The following RAP1GAP2 variants were observed in gnomAD, a reference collection of about 807,000 sequenced individuals.
The protein encoded by RAP1GAP2 is RAP1 GTPase activating protein 2.
In RAP1GAP2, 27 loss-of-function variants were observed where a neutral mutation model predicts 95.0. The ratio of observed to expected loss-of-function variants is 0.28; its 90% confidence interval spans 0.21 to 0.39. The LOEUF is 0.39. Among genes scored for constraint, RAP1GAP2 ranks in the 10% least tolerant of loss-of-function variants. RAP1GAP2 has a pLI of 1.00. For synonymous variants in RAP1GAP2, 373 were observed against 380.9 expected, an observed-to-expected ratio of 0.98 and a Z score of 0.24; for missense variants, 771 against 970.0, an observed-to-expected ratio of 0.79 and a Z score of 2.72.
In RAP1GAP2 at chr17:3,005,851, G is replaced by T; in HGVS notation, c.1273-104G>T. 2 of 1,093,380 alleles carry T rather than the reference G, an allele frequency of 1.8e-6. No homozygotes were observed. The highest frequency in any genetic ancestry group is 2.8e-6 in the Non-Finnish European group (2 of 708,830). 67.7% of individuals were successfully genotyped at this position (1,093,380 alleles called of 1,614,324 possible). On this transcript the variant is annotated intron_variant, in intron 15 of 24. Coordinates refer to ENST00000254695, the MANE Select transcript of RAP1GAP2 (RefSeq NM_015085.5). This position sits in a 1 kb window ranked among gnomAD's most constrained non-coding sequence, Gnocchi z 5.2. ...TCCGCTGTCGGAAGGGACTTTTCAG[G>T]GGTTCTCCCCATGGCCCCGGCTCTG...
Position 2,849,035 on chromosome 17 carries a change from A to G in RAP1GAP2, c.80+48485A>G, listed in dbSNP as rs181009177. ...AGGTGTGAGCGTTCAGCTGTGTGCG[A>G]GCGGGCTTCAGAGTGATATCCCAGA... On this transcript the variant is annotated intron_variant, in intron 2 of 24. Coordinates refer to ENST00000254695, the MANE Select transcript of RAP1GAP2 (RefSeq NM_015085.5). Among the ~76,000 whole-genome samples the G allele has an allele frequency of 2.6e-5, 4 of 152,174 alleles. No individual in the cohort carries two copies. In the East Asian group the frequency reaches 7.7e-4, roughly 29 times the overall value.
intron 2 of RAP1GAP2, among the ~76,000 whole-genome samples, chr17:2,859,364 G>A (rs1201117862): frequency 6.6e-6 from 1 of 151,890 alleles, no homozygotes; most frequent in African/African-American, 2.4e-5. Flanking sequence ...ACCTACCTTG[G>A]CCTCCCAAAG....
At chr17:2,771,433 C>T (rs914716983) in intron 2 of RAP1GAP2, among the ~76,000 whole-genome samples, 7 of 151,888 alleles carry the variant, frequency 4.6e-5, no homozygotes, top group African/African-American at 1.7e-4. Flanking sequence ...AGGCCTCTGC[C>T]ACACCCGACC....
chr17:2,995,506 C>G, intron 13 of RAP1GAP2, 40 bp downstream of exon 13: 2 of 1,610,066 alleles, frequency 1.2e-6, no homozygotes, highest in Non-Finnish European at 1.7e-6. Flanking sequence ...CCAGGGCGGG[C>G]GAGGTGAGGG....
At position 2,985,083 on chromosome 17, in the gene RAP1GAP2, A is replaced by G. The variant is rs774621003; in HGVS notation, c.813+17A>G. The G allele has an allele frequency of 3.7e-6, 6 of 1,613,642 alleles. No homozygotes were observed. Among genetic ancestry groups the G allele is most frequent in the South Asian group, 2.2e-5 (2 of 91,008 alleles). On this transcript the variant is annotated intron_variant, in intron 11 of 24. Coordinates refer to ENST00000254695, the MANE Select transcript of RAP1GAP2 (RefSeq NM_015085.5). The stretch of plus-strand genomic sequence containing the variant: ...GCCAGGCAGGTAAGCAGCACCATCC[A>G]TACCGGTGACTGTATCCCGTGGTTT...
At chr17:3,010,301 C>G (rs2151619360) in intron 17 of RAP1GAP2, among the ~76,000 whole-genome samples, 1 of 133,248 alleles carries the variant, frequency 7.5e-6, no homozygotes, top group African/African-American at 2.9e-5. Flanking sequence ...GATCACGCCA[C>G]TGCACTCCAG....
At chr17:2,997,131 G>T (rs931410167) in intron 13 of RAP1GAP2, among the ~76,000 whole-genome samples, 3 of 151,622 alleles carry the variant, frequency 2.0e-5, no homozygotes, top group Admixed American at 6.6e-5. Flanking sequence ...GACACACCAG[G>T]TGCTTGGTGG....
In RAP1GAP2 at chr17:2,965,596, C is replaced by G. The variant is rs1301368524; in HGVS notation, c.549C>G (p.Val183=). 1.2e-6 allele frequency: 2 copies of G among 1,612,620 alleles called. No individual in the cohort carries two copies. Among genetic ancestry groups the G allele is most frequent in the East Asian group, 2.2e-5 (1 of 44,878 alleles). Residue 183 remains valine (V), a synonymous_variant, in exon 8 of 25, where the codon GTC becomes GTG. Coordinates refer to ENST00000254695, the MANE Select transcript of RAP1GAP2 (RefSeq NM_015085.5). The surrounding 1 kb of genome is among the most constrained non-coding windows in gnomAD (Gnocchi z 4.7). ...GCCTGGGGAACTTGATCCTGTCCGT[C>G]AAGTGCGAGGAAGCAGAGGGGATCG... The part of the protein sequence containing the change: ...GSSLGNLILS[V]KCEEAEGIEY...
At chr17:2,875,306 G>A (rs536668526) in intron 2 of RAP1GAP2, among the ~76,000 whole-genome samples, 5 of 152,174 alleles carry the variant, frequency 3.3e-5, no homozygotes, top group East Asian at 3.9e-4. Context: ...ACCTCAGGTG[G>A]TCTGCCTGCC....
chr17:2,951,020 C>T (rs551887462), intron 3 of RAP1GAP2, among the ~76,000 whole-genome samples: 5 of 152,350 alleles, frequency 3.3e-5, no homozygotes, highest in Non-Finnish European at 4.4e-5. Context: ...ACCTGGGCTT[C>T]GACCACCGGG....
Position 2,800,122 on chromosome 17 carries a change from C to T in RAP1GAP2, c.45-393C>T, listed in dbSNP as rs74568514. The stretch of plus-strand genomic sequence containing the variant: ...CCTGGCATTCAGATTGACATCCGTG[C>T]TGACCCCTGAAGCCGGGTTGCTGGG... On this transcript the variant is annotated intron_variant, in intron 1 of 24. Transcript: ENST00000254695. The T allele has an allele frequency of 1.1e-3, 1,014 of 897,944 alleles. 24 individuals are homozygous for T. In the Admixed American group the frequency reaches 0.046, roughly 41 times the overall value. 55.6% of individuals were successfully genotyped at this position (897,944 alleles called of 1,614,324 possible).
rs1450215987 is a variant in RAP1GAP2 at position 2,871,448 on chromosome 17, CA to C, written c.81-33835del. Among the ~76,000 whole-genome samples the C allele has an allele frequency of 6.6e-6, 1 of 152,072 alleles. No homozygotes were observed. The highest frequency in any genetic ancestry group is 1.5e-5 in the Non-Finnish European group (1 of 68,034). On this transcript the variant is annotated intron_variant, in intron 2 of 24. Coordinates refer to ENST00000254695, the MANE Select transcript of RAP1GAP2 (RefSeq NM_015085.5). The surrounding 1 kb of genome is among the most constrained non-coding windows in gnomAD (Gnocchi z 5.0). ...GGGAGAGTCAGGGGCGCACTCTGGT[CA>C]GAGTGGTGTTGTGTTACAAGAGTCC... is the stretch of plus-strand genomic sequence containing the variant.
At chr17:2,918,858 A>G (rs1328525260) in intron 3 of RAP1GAP2, among the ~76,000 whole-genome samples, 1 of 152,194 alleles carries the variant, frequency 6.6e-6, no homozygotes, top group Non-Finnish European at 1.5e-5. Context: ...TGTAGTGAAG[A>G]TTAATTGAGA....
intron 2 of RAP1GAP2, among the ~76,000 whole-genome samples, chr17:2,850,596 A>T (rs2071797085): frequency 6.7e-6 from 1 of 150,206 alleles, no homozygotes; most frequent in Non-Finnish European, 1.5e-5. Context: ...AAAATACAAA[A>T]AAAACTAGCC....
chr17:2,960,494 G>A (rs1333339361), intron 4 of RAP1GAP2, among the ~76,000 whole-genome samples: 2 of 152,224 alleles, frequency 1.3e-5, no homozygotes, highest in Non-Finnish European at 2.9e-5. Flanking sequence ...ACTCAGCCCA[G>A]GGAAGTCCGC....
intron 2 of RAP1GAP2, among the ~76,000 whole-genome samples, chr17:2,852,633 T>G (rs1304963666): frequency 6.6e-6 from 1 of 152,328 alleles, no homozygotes; most frequent in African/African-American, 2.4e-5. Context: ...ACAAGGCAAA[T>G]TGCCTCAGGG....
chr17:2,972,859 TTGTC>T (rs2044931463), intron 8 of RAP1GAP2, among the ~76,000 whole-genome samples: 2 of 152,202 alleles, frequency 1.3e-5, no homozygotes, highest in Non-Finnish European at 2.9e-5. Flanking sequence ...ATGCCGGACT[TTGTC>T]TGGTTGTAGA....
intron 3 of RAP1GAP2, among the ~76,000 whole-genome samples, chr17:2,928,789 G>A (rs2043048309): frequency 6.6e-6 from 1 of 152,070 alleles, no homozygotes; most frequent in Non-Finnish European, 1.5e-5. Flanking sequence ...CTGGGAATTG[G>A]TCGTCAGCTG....
intron 19 of RAP1GAP2, 142 bp downstream of exon 19, chr17:3,020,737 T>C: frequency 2.9e-6 from 2 of 692,774 alleles, no homozygotes; most frequent in East Asian, 5.5e-5. Context: ...GGCACCTGTG[T>C]GTCCCCTGTC....
Sources: allele counts gnomAD v4.1 joint callset (sites outside exome capture counted in the v4.1 genomes callset), GRCh38; gene constraint gnomAD v4.1.1; non-coding constraint Gnocchi (gnomAD v3.1); transcripts MANE v1.5; gene names NCBI Gene and HGNC (gene_info 2026-07-23, HGNC 2026-07-21).